NT5DC4: variants seen among roughly 807,000 people sequenced by gnomAD.
The protein encoded by NT5DC4 is 5'-nucleotidase domain-containing protein 4.
Under a neutral mutation model 26.6 loss-of-function variants are expected in NT5DC4, and 44 were observed. The observed-to-expected ratio is 1.65, with a 90% confidence interval of 1.30 to 2.13. The LOEUF is 2.13. Among genes scored for constraint, NT5DC4 ranks in the 30% most tolerant of loss-of-function variants. The pLI, the probability that NT5DC4 is intolerant of heterozygous loss-of-function variation, is 0.00. For synonymous variants in NT5DC4, 157 were observed against 86.7 expected, an observed-to-expected ratio of 1.81 and a Z score of -4.51; for missense variants, 399 against 228.1, an observed-to-expected ratio of 1.75 and a Z score of -4.83.
upstream of NT5DC4, among the ~76,000 whole-genome samples, chr2:112,719,974 C>CTTTCTTTCTTTCTTTT (rs1558715536): frequency 2.8e-3 from 226 of 79,700 alleles, 1 homozygote; most frequent in Middle Eastern, 0.012. Context: ...TTCTTTCTTT[C>CTTTCTTTCTTTCTTTT]TTTCTTTCTT....
chr2:112,731,187 A>C (rs1013351614), intron 16 of NT5DC4: 1 of 151,834 alleles, frequency 6.6e-6, no homozygotes, highest in African/African-American at 2.4e-5. Context: ...GATATTTTTC[A>C]GATAACACAA....
At chr2:112,729,215 C>T (rs575698141) in intron 15 of NT5DC4, among the ~76,000 whole-genome samples, 2 of 152,270 alleles carry the variant, frequency 1.3e-5, no homozygotes, top group African/African-American at 2.4e-5. Context: ...CTCCACCTCC[C>T]GGGTTCAAGC....
In NT5DC4 at chr2:112,739,068, G is replaced by A. The variant is rs769891826; in HGVS notation, c.*132G>A. The A allele has an allele frequency of 3.2e-6, 5 of 1,561,048 alleles. No individual in the cohort carries two copies. The Admixed American group carries it at 5.1e-5, about 16-fold the overall frequency. Reference sequence around the variant, plus strand: ...TTTATTCTGAGAGACAGCAAGAGATGCATTAAAAACCTTATCATTTAAAAA... The same window carrying A: ...TTTATTCTGAGAGACAGCAAGAGATACATTAAAAACCTTATCATTTAAAAA... On this transcript the variant is annotated 3_prime_UTR_variant, in exon 17 of 17. Transcript: ENST00000688554.
At position 112,726,754 on chromosome 2, in the gene NT5DC4, C is replaced by T. The variant is rs776443457; in HGVS notation, c.1266+16C>T. 2.9e-5 allele frequency: 21 copies of T among 717,320 alleles called. No individual in the cohort carries two copies. Among genetic ancestry groups the T allele is most frequent in the Middle Eastern group, 4.6e-4 (2 of 4,392 alleles). 44.4% of individuals were successfully genotyped at this position (717,320 alleles called of 1,614,324 possible). A position where few individuals can be genotyped will look rare whatever the true frequency, so the allele number is the denominator to read the frequency against. On this transcript the variant is annotated intron_variant, in intron 15 of 16. Transcript: ENST00000688554. ...AGAGATCCAGGTGGGAGCTGGGTGG[C>T]GAGGGAAGGGACAGGCCCAGCAGGG...
chr2:112,734,197 G>GTGTGTGTGTGTGT (rs1553437338), intron 16 of NT5DC4, among the ~76,000 whole-genome samples: 8 of 151,970 alleles, frequency 5.3e-5, no homozygotes, highest in Non-Finnish European at 1.2e-4. Context: ...GTGTGTGTGT[G>GTGTGTGTGTGTGT]TGTGTACATT....
chr2:112,722,380 G>A, intron 4 of NT5DC4, 102 bp downstream of exon 4: 1 of 712,330 alleles, frequency 1.4e-6, no homozygotes, highest in Non-Finnish European at 2.6e-6. Flanking sequence ...CAGGCCCACG[G>A]TGGAGGCTCA....
chr2:112,724,633 T>C, intron 10 of NT5DC4, 148 bp from the exon 11 acceptor site: 1 of 617,402 alleles, frequency 1.6e-6, no homozygotes, highest in Non-Finnish European at 2.9e-6. Context: ...CTGGGGAAGC[T>C]GGGCAGCGAG....
intron 16 of NT5DC4, among the ~76,000 whole-genome samples, chr2:112,734,830 C>T (rs774093353): frequency 9.2e-5 from 14 of 152,096 alleles, no homozygotes; most frequent in African/African-American, 1.7e-4. Flanking sequence ...GCTGGGACTA[C>T]AGGCACACTC....
At chr2:112,726,456 C>A (rs1162344153) in intron 14 of NT5DC4, among the ~76,000 whole-genome samples, 167 bp downstream of exon 14, 1 of 152,134 alleles carries the variant, frequency 6.6e-6, no homozygotes, top group Non-Finnish European at 1.5e-5. Flanking sequence ...CCCCTCTCAC[C>A]CCCTTGGGAC....
At chr2:112,724,423 G>C (rs1558727836) in intron 10 of NT5DC4, 3 of 579,502 alleles carry the variant, frequency 5.2e-6, no homozygotes, top group South Asian at 2.0e-5. Context: ...GGGGTGCTGG[G>C]AGTGACAGGT....
rs886427173 is a variant in NT5DC4, at chr2:112,738,799, T to A, written c.1345-114T>A. The A allele has an allele frequency of 2.0e-6, 3 of 1,504,580 alleles. No individual in the cohort carries two copies. In the African/African-American group the frequency reaches 4.1e-5, roughly 21 times the overall value. 93.2% of individuals were successfully genotyped at this position (1,504,580 alleles called of 1,614,324 possible). The stretch of plus-strand genomic sequence containing the variant: ...TGTCTTATGTTGGTTCTGAAACACC[T>A]TTTTTAAAAAAAGCATCAAGAAATT... On this transcript the variant is annotated intron_variant, in intron 16 of 16. Transcript: ENST00000688554.
intron 16 of NT5DC4, among the ~76,000 whole-genome samples, chr2:112,735,743 GT>G (rs1387901332): frequency 6.6e-6 from 1 of 152,166 alleles, no homozygotes; most frequent in Non-Finnish European, 1.5e-5. Flanking sequence ...TTAGGGTGCA[GT>G]TTTCTGCAGC....
chr2:112,721,974 G>C lies in NT5DC4; in HGVS notation c.149-12G>C, dbSNP rs771878856. 18 of 717,166 alleles carry C rather than the reference G, an allele frequency of 2.5e-5. No homozygotes were observed. The highest frequency in any genetic ancestry group is 4.7e-5 in the Non-Finnish European group (18 of 385,086). The allele number at this position is 717,166 out of a possible 1,614,324, so 44.4% of individuals were successfully genotyped here. A position where few individuals can be genotyped will look rare whatever the true frequency, so the allele number is the denominator to read the frequency against. On this transcript the variant is annotated splice_polypyrimidine_tract_variant and intron_variant, in intron 2 of 16. Coordinates refer to ENST00000688554, the MANE Select transcript of NT5DC4 (RefSeq NM_001393655.1). The stretch of plus-strand genomic sequence containing the variant: ...GGGCACCAAAGCCCTGATTCTGTCC[G>C]GGCCTCTGCAGCCTACAAGTCCCCA...
upstream of NT5DC4, among the ~76,000 whole-genome samples, chr2:112,719,926 C>CTTTCTTTCTTTCTTTTTCTTTT (rs1558714765): frequency 5.9e-5 from 1 of 16,862 alleles, no homozygotes; most frequent in African/African-American, 1.7e-4. Flanking sequence ...CTTTCTTTCT[C>CTTTCTTTCTTTCTTTTTCTTTT]TTTCTTTCTT....
At chr2:112,727,988 C>A (rs1172154859) in intron 15 of NT5DC4, among the ~76,000 whole-genome samples, 1 of 152,242 alleles carries the variant, frequency 6.6e-6, no homozygotes, top group African/African-American at 2.4e-5. Context: ...TGGGTCCCTG[C>A]GGAATCTCCA....
chr2:112,735,484 C>T (rs924272495), intron 16 of NT5DC4, among the ~76,000 whole-genome samples: 7 of 115,724 alleles, frequency 6.0e-5, no homozygotes, highest in Non-Finnish European at 1.3e-4. Flanking sequence ...TATAATCCTC[C>T]CCCCCCTTTT....
rs774652865 is a variant in NT5DC4, at chr2:112,724,074, C to T, written c.757-20C>T. 44 of 717,012 alleles carry T rather than the reference C, an allele frequency of 6.1e-5. No homozygotes were observed. Among genetic ancestry groups the T allele is most frequent in the African/African-American group, 1.6e-4 (9 of 57,242 alleles). The allele number at this position is 717,012 out of a possible 1,614,324, so 44.4% of individuals were successfully genotyped here. A position where few individuals can be genotyped will look rare whatever the true frequency, so the allele number is the denominator to read the frequency against. On this transcript the variant is annotated intron_variant, in intron 9 of 16. Transcript: ENST00000688554. ...TGGTGGCCCAAGCTTGGTGCCCTGA[C>T]GCTGCCTTGTCCTTGCCAGGCCATC...
intron 16 of NT5DC4, among the ~76,000 whole-genome samples, chr2:112,732,055 C>A (rs143989121): frequency 0.058 from 8,830 of 151,472 alleles, 841 homozygotes; most frequent in African/African-American, 0.2. Context: ...GGATTACAGG[C>A]ATACTCCACC....
rs1289452769 is a variant in NT5DC4, at chr2:112,722,584, T to C, written c.464T>C (p.Leu155Pro). The C allele has an allele frequency of 5.6e-6, 4 of 717,308 alleles. No individual in the cohort carries two copies. The East Asian group carries it at 8.0e-5, about 14-fold the overall frequency. 44.4% of individuals were successfully genotyped at this position (717,308 alleles called of 1,614,324 possible). A position where few individuals can be genotyped will look rare whatever the true frequency, so the allele number is the denominator to read the frequency against. ...CFYILNMLFN[L>P]PETYLYACLV... ...TACATACTCAACATGCTCTTCAACC[T>C]GCCTGGTGGGTGGAGGGTTGGGGGC... Residue 155 changes from leucine to proline, a missense_variant, in exon 5 of 17, where the codon CTG (leucine) becomes CCG (proline). Coordinates refer to ENST00000688554, the MANE Select transcript of NT5DC4 (RefSeq NM_001393655.1).
Sources: allele counts gnomAD v4.1 joint callset (sites outside exome capture counted in the v4.1 genomes callset), GRCh38; gene constraint gnomAD v4.1.1; transcripts MANE v1.5; gene names NCBI Gene and HGNC (gene_info 2026-07-23, HGNC 2026-07-21).